The following AFF3 variants were observed in gnomAD, a reference collection of about 807,000 sequenced individuals.
The protein encoded by AFF3 is ALF transcription elongation factor 3, also known as AF4/FMR2 family member 3.
Under a neutral mutation model 129.7 loss-of-function variants are expected in AFF3, and 32 were observed. The ratio of observed to expected loss-of-function variants is 0.25; its 90% CI spans 0.19 to 0.33. The LOEUF is 0.33. Among genes scored for constraint, AFF3 ranks in the 10% least tolerant of loss-of-function variants. The pLI is 1.00. For missense variants in AFF3, 1,373 were observed against 1,592.0 expected (o/e 0.86, Z 2.34); for synonymous variants, 644 against 635.4 (o/e 1.01, Z -0.20).
intron 4 of AFF3, among the ~76,000 whole-genome samples, chr2:100,016,215 A>G (rs1683036245): frequency 7.4e-6 from 1 of 134,918 alleles, no homozygotes; most frequent in South Asian, 2.6e-4. Context: ...TGATAATGGC[A>G]ATGGTAGTGG....
intron 11 of AFF3, among the ~76,000 whole-genome samples, chr2:99,723,703 TTACAGGCCAAAC>T (rs1454482283): frequency 3.3e-5 from 5 of 152,212 alleles, no homozygotes; most frequent in African/African-American, 1.2e-4. Context: ...CCCCTTAATG[TTACAGGCCAAAC>T]TACTTCTTCC....
intron 7 of AFF3, among the ~76,000 whole-genome samples, chr2:99,884,494 G>A (rs1037671578): frequency 6.6e-6 from 1 of 152,140 alleles, no homozygotes; most frequent in African/African-American, 2.4e-5. Flanking sequence ...TGCCTATGGG[G>A]TTCAAGAGAT....
chr2:99,559,829 C>G (rs1237692796), intron 21 of AFF3, among the ~76,000 whole-genome samples: 1 of 152,238 alleles, frequency 6.6e-6, no homozygotes, highest in Non-Finnish European at 1.5e-5. Context: ...ATTCAACTGT[C>G]TTTATTTCAC....
At chr2:99,814,231 A>AACCACC (rs60855066) in intron 8 of AFF3, among the ~76,000 whole-genome samples, 41 of 151,056 alleles carry the variant, frequency 2.7e-4, no homozygotes, top group East Asian at 1.2e-3. Flanking sequence ...TAATCACACA[A>AACCACC]ACCACCACCA....
At chr2:99,568,764 A>T in intron 19 of AFF3, 88 bp downstream of exon 19, 1 of 1,311,472 alleles carries the variant, frequency 7.6e-7, no homozygotes, top group Non-Finnish European at 1.1e-6. Flanking sequence ...AATAGATTTT[A>T]TAATTACCCC....
intron 7 of AFF3, among the ~76,000 whole-genome samples, chr2:99,908,003 A>G (rs1694839220): frequency 6.6e-6 from 1 of 152,134 alleles, no homozygotes; most frequent in African/African-American, 2.4e-5. Context: ...CTGGTCTTTA[A>G]CAAAACTGTC....
intron 4 of AFF3, among the ~76,000 whole-genome samples, chr2:100,018,829 C>T (rs190133496): frequency 6.6e-6 from 1 of 152,226 alleles, no homozygotes; most frequent in Non-Finnish European, 1.5e-5. Flanking sequence ...GGGCCGTCAT[C>T]AATCACAGGT....
At chr2:100,036,809 C>T (rs1358675717) in intron 4 of AFF3, among the ~76,000 whole-genome samples, 2 of 118,276 alleles carry the variant, frequency 1.7e-5, no homozygotes, top group Non-Finnish European at 3.6e-5. Flanking sequence ...CAAACAAGTA[C>T]AAAAGCAGCA....
At chr2:99,977,107 T>C (rs922239484) in intron 7 of AFF3, among the ~76,000 whole-genome samples, 2 of 152,194 alleles carry the variant, frequency 1.3e-5, no homozygotes, top group Admixed American at 6.5e-5. Context: ...ACTTCAAAAA[T>C]AGGATAGATC....
At position 99,717,821 on chromosome 2, in the gene AFF3, C is replaced by T. The variant is rs1678528487; in HGVS notation, c.1091+9256G>A. Among the ~76,000 whole-genome samples, 3 of 152,096 alleles carry T rather than the reference C, an allele frequency of 2.0e-5. No homozygotes were observed. In the South Asian group the frequency reaches 6.2e-4, roughly 32 times the overall value. On this transcript the variant is annotated intron_variant, in intron 11 of 24. Coordinates refer to ENST00000672756, the MANE Select transcript of AFF3 (RefSeq NM_001386135.1). ...ACTGTCTTCTGTTTTCCTCTAGAAA[C>T]TTTGTTGTTTTAGCGTTTATATTGA...
intron 7 of AFF3, among the ~76,000 whole-genome samples, chr2:99,850,745 A>G (rs947287885): frequency 2.6e-5 from 4 of 152,236 alleles, no homozygotes; most frequent in Non-Finnish European, 5.9e-5. Flanking sequence ...GGGTTAGTGT[A>G]GTAGTAAGTC....
chr2:99,690,100 AC>A (rs1002333769), intron 11 of AFF3, among the ~76,000 whole-genome samples: 7 of 143,022 alleles, frequency 4.9e-5, no homozygotes, highest in Non-Finnish European at 1.1e-4. Flanking sequence ...AAACAAACAA[AC>A]CCCCCCACCC....
intron 7 of AFF3, among the ~76,000 whole-genome samples, chr2:99,847,160 A>G (rs1210923783): frequency 6.6e-6 from 1 of 151,908 alleles, no homozygotes; most frequent in African/African-American, 2.4e-5. Flanking sequence ...CCCTATTTTA[A>G]ATTTATGAAC....
At chr2:99,775,397 C>T (rs924031261) in intron 8 of AFF3, among the ~76,000 whole-genome samples, 8 of 152,206 alleles carry the variant, frequency 5.3e-5, no homozygotes, top group African/African-American at 1.9e-4. Context: ...GAGATCATGT[C>T]CTTTGTAGGG....
rs1296363851 is a variant in AFF3 at position 99,748,461 on chromosome 2, A to G, written c.1002+3760T>C. Among the ~76,000 whole-genome samples the G allele has an allele frequency of 2.6e-5, 4 of 152,154 alleles. No homozygotes were observed. In the East Asian group the frequency reaches 5.8e-4, roughly 22 times the overall value. On this transcript the variant is annotated intron_variant, in intron 9 of 24. Transcript: ENST00000672756. ...CCAGCAAGTTAGCGGTGGAGGTGAC[A>G]TGTGTACAAATCATTAGAGCCCAAG...
At chr2:99,740,183 GT>G (rs1308788735) in intron 10 of AFF3, among the ~76,000 whole-genome samples, 63 of 151,014 alleles carry the variant, frequency 4.2e-4, no homozygotes, top group African/African-American at 1.5e-3. Flanking sequence ...TGGTGTATAT[GT>G]GCCACATTTT....
chr2:100,125,317 G>C (rs1307192659), intron 2 of AFF3, among the ~76,000 whole-genome samples: 2 of 152,108 alleles, frequency 1.3e-5, no homozygotes, highest in African/African-American at 4.8e-5. Context: ...TCATATTATG[G>C]AGTCTGTAAA....
intron 17 of AFF3, among the ~76,000 whole-genome samples, chr2:99,582,456 G>T (rs2104830164): frequency 6.6e-6 from 1 of 152,294 alleles, no homozygotes; most frequent in Admixed American, 6.5e-5. Flanking sequence ...CTCTGCCCTG[G>T]GATAAGAAAT....
intron 8 of AFF3, among the ~76,000 whole-genome samples, chr2:99,771,473 G>A (rs1683485029): frequency 6.6e-6 from 1 of 151,446 alleles, no homozygotes; most frequent in Admixed American, 6.6e-5. Context: ...AGATGTCTCA[G>A]CCCTGGTGTC....
Sources: gnomAD v4.1 joint callset for allele counts (sites outside exome capture counted in the v4.1 genomes callset) on GRCh38, gnomAD v4.1.1 for gene constraint, MANE v1.5 for transcripts, NCBI Gene and HGNC (gene_info 2026-07-23, HGNC 2026-07-21) for gene names.